AMMECR1: variants seen among roughly 807,000 people sequenced by gnomAD.
AMMECR1 encodes nuclear protein AMMECR1.
AMMECR1 carries 3 observed loss-of-function variants against 22.5 expected under a neutral mutation model. That is an observed-to-expected ratio of 0.13 (90% CI 0.06 to 0.35). The LOEUF (loss-of-function observed/expected upper bound fraction) is 0.35, where lower values mean the gene tolerates loss of function less well. Ranked by LOEUF, AMMECR1 falls within the 10% of genes least tolerant of loss-of-function variation. The pLI, the probability that AMMECR1 is intolerant of heterozygous loss-of-function variation, is 1.00. For synonymous variants in AMMECR1, 130 were observed against 116.7 expected (o/e 1.11, Z -0.74); for missense variants, 235 against 278.7 (o/e 0.84, Z 1.12).
intron 1 of AMMECR1, among the ~76,000 whole-genome samples, chrX:110,286,174 A>G (rs900634358): frequency 8.9e-6 from 1 of 112,042 alleles, no homozygotes; most frequent in Non-Finnish European, 1.9e-5. Context: ...AAGTATACTT[A>G]TGGACACAAT....
At chrX:110,314,096 T>C (rs1366539340) in intron 1 of AMMECR1, among the ~76,000 whole-genome samples, 2 of 111,661 alleles carry the variant, frequency 1.8e-5, no homozygotes, top group African/African-American at 6.5e-5. Flanking sequence ...CTATAGATTA[T>C]GATGTACTCC....
chrX:110,260,724 A>G (rs189963813), intron 2 of AMMECR1, among the ~76,000 whole-genome samples: 431 of 111,667 alleles, frequency 3.9e-3, no homozygotes, highest in Middle Eastern at 9.2e-3. Flanking sequence ...ACTCAAACAG[A>G]TATTTTGTGC....
intron 2 of AMMECR1, among the ~76,000 whole-genome samples, chrX:110,413,940 T>C (rs1426743440): frequency 2.7e-5 from 3 of 112,034 alleles, no homozygotes; most frequent in African/African-American, 9.8e-5. Flanking sequence ...ATGAGGAAGA[T>C]ACTATTGTGG....
intron 1 of AMMECR1, among the ~76,000 whole-genome samples, chrX:110,284,407 T>C (rs2067868822): frequency 8.9e-6 from 1 of 112,204 alleles, no homozygotes; most frequent in African/African-American, 3.2e-5. Context: ...AACACCTTCT[T>C]AGACTGCATG....
chrX:110,350,389 A>G (rs2068206761), intron 2 of AMMECR1, among the ~76,000 whole-genome samples: 2 of 111,722 alleles, frequency 1.8e-5, no homozygotes, highest in African/African-American at 6.5e-5. Flanking sequence ...GATCAGAAAC[A>G]AGAGGAGGAT....
intron 2 of AMMECR1, among the ~76,000 whole-genome samples, chrX:110,339,600 G>A (rs1333542177): frequency 9.1e-6 from 1 of 110,457 alleles, no homozygotes; most frequent in Non-Finnish European, 1.9e-5. Flanking sequence ...GGGTTCAAGC[G>A]ATTCTCCTGC....
At chrX:110,376,638 C>T (rs1253226807) in intron 2 of AMMECR1, among the ~76,000 whole-genome samples, 1 of 112,392 alleles carries the variant, frequency 8.9e-6, no homozygotes, top group East Asian at 2.8e-4. Context: ...AAAAGAAACT[C>T]TTTTAGTGGA....
At chrX:110,385,610 A>G (rs1237603370) in intron 2 of AMMECR1, among the ~76,000 whole-genome samples, 1 of 111,906 alleles carries the variant, frequency 8.9e-6, no homozygotes, top group African/African-American at 3.3e-5. Flanking sequence ...AAATGAACTC[A>G]TACAATAGGT....
intron 1 of AMMECR1, among the ~76,000 whole-genome samples, chrX:110,272,155 G>A (rs910972367): frequency 9.0e-6 from 1 of 110,557 alleles, no homozygotes; most frequent in Non-Finnish European, 1.9e-5. Flanking sequence ...GGCAGAGCTT[G>A]CAGTGAGCCA....
intron 1 of AMMECR1, among the ~76,000 whole-genome samples, chrX:110,306,147 C>T (rs976236800): frequency 1.9e-5 from 2 of 107,898 alleles, no homozygotes. Flanking sequence ...AGAAATTAGC[C>T]GGGCTTGGTG....
At chrX:110,264,669 T>C in intron 1 of AMMECR1, 70 bp from the exon 2 acceptor site, 2 of 887,814 alleles carry the variant, frequency 2.3e-6, no homozygotes, top group Non-Finnish European at 3.2e-6. Context: ...GAGTATTGAC[T>C]GTCTGCTAGG....
At chrX:110,316,199 C>CA (rs1376130586) in intron 1 of AMMECR1, among the ~76,000 whole-genome samples, 1 of 112,119 alleles carries the variant, frequency 8.9e-6, no homozygotes, top group African/African-American at 3.2e-5. Context: ...ACAAACAGTA[C>CA]AAATGCACAA....
chrX:110,409,012 C>T (rs1214976419), intron 2 of AMMECR1, among the ~76,000 whole-genome samples: 1 of 111,497 alleles, frequency 9.0e-6, no homozygotes, highest in Non-Finnish European at 1.9e-5. Flanking sequence ...GGTTGAACAC[C>T]ACTGTGCTAG....
intron 1 of AMMECR1, among the ~76,000 whole-genome samples, chrX:110,267,213 A>G (rs1289813751): frequency 9.0e-6 from 1 of 110,767 alleles, no homozygotes; most frequent in African/African-American, 3.3e-5. Flanking sequence ...CAGTAATGGG[A>G]TTGCTGGGTC....
At chrX:110,228,825 C>A (rs1048451569) in intron 2 of AMMECR1, among the ~76,000 whole-genome samples, 1 of 112,003 alleles carries the variant, frequency 8.9e-6, no homozygotes, top group African/African-American at 3.2e-5. Flanking sequence ...GCTGGTCTCA[C>A]CTCGCAGTTC....
intron 2 of AMMECR1, among the ~76,000 whole-genome samples, chrX:110,405,088 T>TC (rs35297150): frequency 0.07 from 5,178 of 73,687 alleles, 364 homozygotes; most frequent in African/African-American, 0.096. Flanking sequence ...GCTTGTTGTG[T>TC]CCCCCCCCCC....
intron 1 of AMMECR1, among the ~76,000 whole-genome samples, chrX:110,290,331 G>A (rs1487864649): frequency 9.0e-6 from 1 of 111,061 alleles, no homozygotes; most frequent in East Asian, 2.8e-4. Context: ...TCCTTAAATA[G>A]TATATACAAG....
At chrX:110,419,775 T>C (rs1393773082) in intron 2 of AMMECR1, among the ~76,000 whole-genome samples, 3 of 112,596 alleles carry the variant, frequency 2.7e-5, no homozygotes, top group African/African-American at 9.7e-5. Context: ...ACAGTTCTGT[T>C]TTAGAAACCA....
chrX:110,299,771 C>T (rs894851588), intron 1 of AMMECR1, among the ~76,000 whole-genome samples: 5 of 111,957 alleles, frequency 4.5e-5, no homozygotes, highest in African/African-American at 1.6e-4. Flanking sequence ...TTTTAGACTT[C>T]ACATAAAAAG....
Sources: gnomAD v4.1 joint callset for allele counts (sites outside exome capture counted in the v4.1 genomes callset) on GRCh38, gnomAD v4.1.1 for gene constraint, MANE v1.5 for transcripts, NCBI Gene and HGNC (gene_info 2026-07-23, HGNC 2026-07-21) for gene names.